ADCY5: variants seen among roughly 807,000 people sequenced by gnomAD.
ADCY5 encodes the protein adenylate cyclase 5, also known as adenylate cyclase type 5.
In ADCY5, 30 loss-of-function variants were observed where a neutral mutation model predicts 119.7. The observed-to-expected ratio is 0.25, with a 90% CI of 0.19 to 0.34. The LOEUF (loss-of-function observed/expected upper bound fraction) is 0.34. ADCY5 is among the 10% of genes least tolerant of loss of function. The pLI, the probability that ADCY5 is intolerant of heterozygous loss-of-function variation, is 1.00. For synonymous variants in ADCY5, 753 were observed against 762.2 expected (o/e 0.99, Z 0.20); for missense variants, 1,324 against 1,775.2 (o/e 0.75, Z 4.57).
chr3:123,425,912 C>A (rs921327298), intron 1 of ADCY5, among the ~76,000 whole-genome samples: 2 of 152,222 alleles, frequency 1.3e-5, no homozygotes, highest in Non-Finnish European at 2.9e-5. Flanking sequence ...GGAGGTAGTG[C>A]AGTTTTCTTC....
intron 19 of ADCY5, among the ~76,000 whole-genome samples, chr3:123,288,946 C>T (rs1445738318): frequency 6.6e-6 from 1 of 152,204 alleles, no homozygotes; most frequent in Non-Finnish European, 1.5e-5. Flanking sequence ...CCTGTCACAA[C>T]CTCCTCACCA....
At chr3:123,329,404 T>C (rs903931725) in intron 5 of ADCY5, among the ~76,000 whole-genome samples, 1 of 152,128 alleles carries the variant, frequency 6.6e-6, no homozygotes, top group African/African-American at 2.4e-5. Flanking sequence ...CCCGGCCACA[T>C]GCACCACATA....
intron 20 of ADCY5, among the ~76,000 whole-genome samples, chr3:123,285,236 T>G (rs1418189731): frequency 6.6e-6 from 1 of 152,194 alleles, no homozygotes; most frequent in Non-Finnish European, 1.5e-5. Context: ...TGCATCTTCC[T>G]GTGAGGTGAC....
At chr3:123,402,766 T>C (rs962480555) in intron 1 of ADCY5, among the ~76,000 whole-genome samples, 2 of 148,328 alleles carry the variant, frequency 1.3e-5, no homozygotes, top group Admixed American at 6.8e-5. Flanking sequence ...GGCAGGAGAA[T>C]GGCGTGAACC....
intron 19 of ADCY5, chr3:123,287,052 C>T: frequency 2.2e-6 from 1 of 461,164 alleles, no homozygotes; most frequent in Non-Finnish European, 3.8e-6. Context: ...GTGCCCTCTT[C>T]AAGGTCTCTA....
intron 1 of ADCY5, among the ~76,000 whole-genome samples, chr3:123,418,305 T>C (rs530128826): frequency 6.6e-6 from 1 of 152,322 alleles, no homozygotes; most frequent in South Asian, 2.1e-4. Context: ...GAGATTAGCA[T>C]TGGAATCAGC....
Position 123,282,866 on chromosome 3 carries a change from C to T in ADCY5, c.*1742G>A, listed in dbSNP as rs977751487. The T allele has an allele frequency of 6.6e-5, 10 of 152,102 alleles. No homozygotes were observed. Among genetic ancestry groups the T allele is most frequent in the Admixed American group, 5.2e-4 (8 of 15,268 alleles). 9.4% of individuals were successfully genotyped at this position (152,102 alleles called of 1,614,324 possible). Reference sequence around the variant, plus strand: ...GCACAGAGCCACTGCCTCATCACCTCCAAGCTCATGTTGGAGGTGAAGATC... The same window carrying T: ...GCACAGAGCCACTGCCTCATCACCTTCAAGCTCATGTTGGAGGTGAAGATC... On this transcript the variant is annotated 3_prime_UTR_variant, in exon 21 of 21. Transcript: ENST00000462833.
chr3:123,435,849 C>CT (rs201159588), intron 1 of ADCY5, among the ~76,000 whole-genome samples: 2 of 134,998 alleles, frequency 1.5e-5, no homozygotes, highest in African/African-American at 5.5e-5. Context: ...GGCAAGAGCC[C>CT]TTTTATTATT....
At chr3:123,309,546 T>G (rs969866366) in intron 12 of ADCY5, among the ~76,000 whole-genome samples, 1 of 152,206 alleles carries the variant, frequency 6.6e-6, no homozygotes, top group African/African-American at 2.4e-5. Context: ...GGCCTCAGTT[T>G]CCTCATCTGC....
chr3:123,396,639 GGA>G (rs1944582093), intron 1 of ADCY5, among the ~76,000 whole-genome samples: 1 of 138,814 alleles, frequency 7.2e-6, no homozygotes, highest in East Asian at 2.2e-4. Context: ...AGGGAGGGAA[GGA>G]GACAGAAAGA....
rs113249947 is a variant in ADCY5, at chr3:123,304,193, G to A, written c.2443-10C>T. On this transcript the variant is annotated splice_polypyrimidine_tract_variant and intron_variant, in intron 12 of 20. Coordinates refer to ENST00000462833, the MANE Select transcript of ADCY5 (RefSeq NM_183357.3). ...GTGGGGAGGGGAAGAGCTAGGGTGG[G>A]GGCAGGGGTGGAGAGGGAGGGAGGG... is the stretch of plus-strand genomic sequence containing the variant. 2.1e-6 allele frequency: 3 copies of A among 1,458,528 alleles called. No individual in the cohort carries two copies. Among genetic ancestry groups the A allele is most frequent in the Non-Finnish European group, 2.9e-6 (3 of 1,041,552 alleles). The allele number at this position is 1,458,528 out of a possible 1,614,324, so 90.3% of individuals were successfully genotyped here.
At chr3:123,294,373 A>G (rs1317058101) in intron 17 of ADCY5, among the ~76,000 whole-genome samples, 5 of 152,218 alleles carry the variant, frequency 3.3e-5, no homozygotes, top group African/African-American at 9.6e-5. Flanking sequence ...CTCTTTCCAT[A>G]AAGTGCTAGT....
intron 15 of ADCY5, among the ~76,000 whole-genome samples, chr3:123,299,127 C>T (rs983344398): frequency 8.5e-5 from 13 of 152,072 alleles, no homozygotes; most frequent in Non-Finnish European, 1.8e-4. Flanking sequence ...GAAGTTGTAC[C>T]GATTGCTGGC....
rs115720210 is a variant in ADCY5 at position 123,419,212 on chromosome 3, C to G, written c.1134+28200G>C. The G allele has an allele frequency of 5.0e-3, 4,953 of 985,432 alleles. 184 individuals carry two copies. In the African/African-American group the frequency reaches 0.077, roughly 15 times the overall value. The allele number at this position is 985,432 out of a possible 1,614,324, so 61.0% of individuals were successfully genotyped here. ...GATTCCAGGCCCTCCATGCATCTGACGAGCACACAGTCAGGTGGCACTCAA... is the reference window on the plus strand; with the variant it reads ...GATTCCAGGCCCTCCATGCATCTGAGGAGCACACAGTCAGGTGGCACTCAA... On this transcript the variant is annotated intron_variant, in intron 1 of 20. Transcript: ENST00000462833.
intron 8 of ADCY5, 53 bp from the exon 9 acceptor site, chr3:123,320,824 T>C (rs980961724): frequency 1.4e-6 from 2 of 1,427,824 alleles, no homozygotes; most frequent in Non-Finnish European, 1.9e-6. Flanking sequence ...CAGAGAGAAC[T>C]GAAAGCTCAG....
chr3:123,400,099 A>G (rs1944712318), intron 1 of ADCY5, among the ~76,000 whole-genome samples: 1 of 152,204 alleles, frequency 6.6e-6, no homozygotes, highest in Non-Finnish European at 1.5e-5. Context: ...GGACTGGGAC[A>G]CTGCTGATAA....
intron 1 of ADCY5, among the ~76,000 whole-genome samples, chr3:123,354,903 T>G (rs1209289946): frequency 1.3e-5 from 2 of 152,178 alleles, no homozygotes; most frequent in Non-Finnish European, 2.9e-5. Context: ...AAATGCAACA[T>G]ACATTAATAA....
chr3:123,413,171 C>T (rs1945099644), intron 1 of ADCY5, among the ~76,000 whole-genome samples: 1 of 152,224 alleles, frequency 6.6e-6, no homozygotes, highest in African/African-American at 2.4e-5. Context: ...CAGCCCATCT[C>T]CCAGCAGATG....
At chr3:123,373,321 G>A (rs1288067219) in intron 1 of ADCY5, among the ~76,000 whole-genome samples, 1 of 152,214 alleles carries the variant, frequency 6.6e-6, no homozygotes, top group East Asian at 1.9e-4. Context: ...AAATCATCTA[G>A]CGCATTTAGA....
Sources: gnomAD v4.1 joint callset for allele counts (sites outside exome capture counted in the v4.1 genomes callset) on GRCh38, gnomAD v4.1.1 for gene constraint, MANE v1.5 for transcripts, NCBI Gene and HGNC (gene_info 2026-07-23, HGNC 2026-07-21) for gene names.